The following RERG variants were observed in gnomAD, a reference collection of about 807,000 sequenced individuals.
RERG encodes ras-related and estrogen-regulated growth inhibitor.
RERG carries 25 observed loss-of-function variants against 23.2 expected under a neutral mutation model. That is an observed-to-expected ratio of 1.08 (90% confidence interval 0.79 to 1.50). The LOEUF (loss-of-function observed/expected upper bound fraction) is 1.50. Among genes scored for constraint, RERG ranks in the 40% most tolerant of loss-of-function variants. The pLI, the probability that RERG is intolerant of heterozygous loss-of-function variation, is 0.00. For synonymous variants in RERG, 81 were observed against 89.1 expected (o/e 0.91, Z 0.51); for missense variants, 253 against 250.1 (o/e 1.01, Z -0.08).
intron 2 of RERG, among the ~76,000 whole-genome samples, chr12:15,193,485 C>A (rs777376245): frequency 1.5e-4 from 23 of 152,110 alleles, no homozygotes; most frequent in Admixed American, 1.4e-3. Context: ...CTAATCACTT[C>A]TCCAAAAACT....
At chr12:15,135,339 C>T (rs1198282918) in intron 2 of RERG, among the ~76,000 whole-genome samples, 13 of 152,110 alleles carry the variant, frequency 8.5e-5, no homozygotes, top group Admixed American at 7.9e-4. Context: ...TCTACATAGA[C>T]GATCACATAA....
At chr12:15,115,528 T>A (rs1333511744) in intron 3 of RERG, among the ~76,000 whole-genome samples, 1 of 152,132 alleles carries the variant, frequency 6.6e-6, no homozygotes, top group African/African-American at 2.4e-5. Context: ...TCCCACACAC[T>A]AATAATAGCA....
chr12:15,214,037 TGCGC>T (rs149434890), intron 2 of RERG, among the ~76,000 whole-genome samples: 18,579 of 95,518 alleles, frequency 0.19, 1,365 homozygotes, highest in Non-Finnish European at 0.22. Flanking sequence ...TGTGTGTGTG[TGCGC>T]GTGTGTGGAG....
At chr12:15,119,941 CAA>C (rs1863801216) in intron 3 of RERG, among the ~76,000 whole-genome samples, 1 of 152,108 alleles carries the variant, frequency 6.6e-6, no homozygotes, top group African/African-American at 2.4e-5. Context: ...TACAAAGTAT[CAA>C]AATGTTCTGT....
chr12:15,155,419 A>T (rs2193173), intron 2 of RERG: 67,816 of 152,116 alleles, frequency 0.45, 15,107 homozygotes, highest in East Asian at 0.52. Flanking sequence ...CAGGAAAATG[A>T]GGGTAGAGGC....
intron 2 of RERG, among the ~76,000 whole-genome samples, chr12:15,163,514 T>C (rs957209309): frequency 6.6e-6 from 1 of 152,214 alleles, no homozygotes; most frequent in Non-Finnish European, 1.5e-5. Context: ...AATAGTCAGA[T>C]GGTCTCTGCT....
chr12:15,149,895 T>C (rs2068699), intron 2 of RERG, among the ~76,000 whole-genome samples: 2,630 of 152,326 alleles, frequency 0.017, 37 homozygotes, highest in Non-Finnish European at 0.027. Context: ...TGATAGACAT[T>C]ACTAATCGAT....
At chr12:15,171,579 T>C (rs1382782044) in intron 2 of RERG, among the ~76,000 whole-genome samples, 1 of 152,166 alleles carries the variant, frequency 6.6e-6, no homozygotes, top group Admixed American at 6.5e-5. Flanking sequence ...TTAGAAGTCA[T>C]GAGTCAAAGT....
At chr12:15,113,662 C>T (rs1188577514) in intron 3 of RERG, among the ~76,000 whole-genome samples, 1 of 151,486 alleles carries the variant, frequency 6.6e-6, no homozygotes, top group Non-Finnish European at 1.5e-5. Flanking sequence ...CAAAACCATT[C>T]AAAACCCTCC....
At chr12:15,137,904 CTTCTCTGA>C (rs1864171255) in intron 2 of RERG, 4 of 442,998 alleles carry the variant, frequency 9.0e-6, no homozygotes, top group South Asian at 6.5e-5. Context: ...TATCATTCTC[CTTCTCTGA>C]AGAATGTATC....
chr12:15,153,704 C>T (rs1341412191), intron 2 of RERG, among the ~76,000 whole-genome samples: 1 of 152,100 alleles, frequency 6.6e-6, no homozygotes, highest in African/African-American at 2.4e-5. Flanking sequence ...GTATGATTTG[C>T]ATAAATTTTA....
chr12:15,211,443 C>T (rs1043338108), intron 2 of RERG, among the ~76,000 whole-genome samples: 1 of 151,932 alleles, frequency 6.6e-6, no homozygotes, highest in African/African-American at 2.4e-5. Flanking sequence ...GAGACAAATA[C>T]CATATGATCT....
intron 2 of RERG, among the ~76,000 whole-genome samples, chr12:15,157,135 T>C (rs1429486716): frequency 2.0e-5 from 3 of 152,194 alleles, no homozygotes; most frequent in Non-Finnish European, 4.4e-5. Context: ...CATTCGGCAT[T>C]GCAGGAATTT....
chr12:15,111,386 A>G lies in RERG; in HGVS notation c.150T>C (p.Asp50=). 1.2e-6 allele frequency: 2 copies of G among 1,613,576 alleles called. No individual in the cohort carries two copies. Among genetic ancestry groups the G allele is most frequent in the Non-Finnish European group, 1.7e-6 (2 of 1,179,656 alleles). ...ESTYRHQATI[D]DEVVSMEILD... is the part of the protein sequence containing the mutation. ...GTATCTCCATGGAAACAACTTCATCATCGATGGTTGCTTGGTGTCGGTAGG... is the reference window on the plus strand; with the variant it reads ...GTATCTCCATGGAAACAACTTCATCGTCGATGGTTGCTTGGTGTCGGTAGG... The change falls in exon 4 of 5, where the codon GAT becomes GAC. Residue 50 remains aspartate, a synonymous_variant. Coordinates refer to ENST00000256953, the MANE Select transcript of RERG (RefSeq NM_032918.3).
In RERG at chr12:15,111,394, T is replaced by C; in HGVS notation, c.142A>G (p.Thr48Ala). 3 of 1,613,526 alleles carry C rather than the reference T, an allele frequency of 1.9e-6. No individual in the cohort carries two copies. The highest frequency in any genetic ancestry group is 1.1e-5 in the South Asian group (1 of 91,042). Reference protein sequence around the residue: ...TLESTYRHQATIDDEVVSMEI... With the variant: ...TLESTYRHQAAIDDEVVSMEI... ...ATGGAAACAACTTCATCATCGATGGTTGCTTGGTGTCGGTAGGTTGATTCT... is the reference window on the plus strand; with the variant it reads ...ATGGAAACAACTTCATCATCGATGGCTGCTTGGTGTCGGTAGGTTGATTCT... Residue 48 changes from threonine to alanine, a missense_variant, in exon 4 of 5, where the codon ACC (threonine) becomes GCC (alanine). Transcript: ENST00000256953.
chr12:15,214,892 C>A (rs1390266094), intron 2 of RERG, among the ~76,000 whole-genome samples: 1 of 152,168 alleles, frequency 6.6e-6, no homozygotes. Flanking sequence ...GTCGTTTTCA[C>A]TGAACTATGG....
At chr12:15,164,590 C>T (rs1864659729) in intron 2 of RERG, among the ~76,000 whole-genome samples, 1 of 152,176 alleles carries the variant, frequency 6.6e-6, no homozygotes, top group African/African-American at 2.4e-5. Flanking sequence ...CATTGGACCG[C>T]CTTGATATAG....
chr12:15,154,569 T>C (rs1250179173), intron 2 of RERG, among the ~76,000 whole-genome samples: 1 of 152,172 alleles, frequency 6.6e-6, no homozygotes, highest in Non-Finnish European at 1.5e-5. Flanking sequence ...TAATGAGAAA[T>C]TTGCAGAATG....
chr12:15,142,414 C>A (rs187890579), intron 2 of RERG, among the ~76,000 whole-genome samples: 2 of 152,278 alleles, frequency 1.3e-5, no homozygotes, highest in Admixed American at 1.3e-4. Context: ...ATGTAGCACA[C>A]TGGAGTATTT....
Sources: allele counts gnomAD v4.1 joint callset (sites outside exome capture counted in the v4.1 genomes callset), GRCh38; gene constraint gnomAD v4.1.1; transcripts MANE v1.5; gene names NCBI Gene and HGNC (gene_info 2026-07-23, HGNC 2026-07-21).